The following GTPBP10 variants were observed in gnomAD, a reference collection of about 807,000 sequenced individuals.
GTPBP10 encodes GTP binding protein 10.
A neutral mutation model predicts 44.8 loss-of-function variants in GTPBP10; 38 were observed. The observed-to-expected ratio is 0.85, with a 90% CI of 0.65 to 1.11. GTPBP10 has a LOEUF of 1.11. Ranked by LOEUF, GTPBP10 falls within the 50% of genes most tolerant of loss-of-function variation. The pLI is 0.00. For synonymous variants in GTPBP10, 152 were observed against 150.6 expected, an observed-to-expected ratio of 1.01 and a Z score of -0.07; for missense variants, 462 against 453.7, an observed-to-expected ratio of 1.02 and a Z score of -0.17.
chr7:90,375,267 T>C (rs1221749926), intron 6 of GTPBP10, among the ~76,000 whole-genome samples: 1 of 152,044 alleles, frequency 6.6e-6, no homozygotes, highest in Non-Finnish European at 1.5e-5. Context: ...TACAGAGAAC[T>C]TTTAGGGTAC....
chr7:90,364,847 C>T (rs1436338721), intron 4 of GTPBP10, among the ~76,000 whole-genome samples: 3 of 152,170 alleles, frequency 2.0e-5, no homozygotes, highest in Non-Finnish European at 4.4e-5. Flanking sequence ...CCCCCGCCAG[C>T]CTCACTGCCG....
intron 5 of GTPBP10, 130 bp downstream of exon 5, chr7:90,372,358 C>G (rs773891161): frequency 1.6e-6 from 1 of 614,188 alleles, no homozygotes. Flanking sequence ...AGATAGACTA[C>G]TGTTGCACAG....
intron 2 of GTPBP10, 41 bp from the exon 3 acceptor site, chr7:90,354,417 C>T (rs1389126529): frequency 2.9e-5 from 27 of 931,572 alleles, no homozygotes; most frequent in Non-Finnish European, 3.7e-5. Context: ...TGTATATATA[C>T]ACACACACAT....
Position 90,387,320 on chromosome 7 carries a change from G to A in GTPBP10, c.*2166G>A, listed in dbSNP as rs1796541189. ...CATTGCACTCCAGCCTGGAGGACAA[G>A]AGGGAGACTTCCTCTCAAAAAACAA... is the stretch of plus-strand genomic sequence containing the variant. On this transcript the variant is annotated 3_prime_UTR_variant, in exon 10 of 10. Transcript: ENST00000222511. The A allele has an allele frequency of 8.1e-6, 1 of 123,570 alleles. No individual in the cohort carries two copies. The highest frequency in any genetic ancestry group is 1.7e-5 in the Non-Finnish European group (1 of 59,988). The allele number at this position is 123,570 out of a possible 1,614,324, so 7.7% of individuals were successfully genotyped here. A position where few individuals can be genotyped will look rare whatever the true frequency, so the allele number is the denominator to read the frequency against.
intron 8 of GTPBP10, among the ~76,000 whole-genome samples, chr7:90,378,642 G>A (rs533513613): frequency 6.6e-6 from 1 of 151,944 alleles, no homozygotes; most frequent in Admixed American, 6.5e-5. Flanking sequence ...ACTCACTCCC[G>A]TTGCTTTAGT....
chr7:90,383,063 G>A lies in GTPBP10; in HGVS notation c.885G>A (p.Gln295=). The change falls in exon 9 of 10, where the codon CAG becomes CAA. Residue 295 remains glutamine (Q), a synonymous_variant. Coordinates refer to ENST00000222511, the MANE Select transcript of GTPBP10 (RefSeq NM_033107.4). The part of the protein sequence containing the change: ...AQDKFHELMS[Q]LQNPKDFLHL... ...ATAAGTTCCATGAATTGATGAGCCA[G>A]CTCCAGAATCCTAAAGGTAAACCTA... The A allele has an allele frequency of 6.3e-7, 1 of 1,575,104 alleles. No homozygotes were observed. Among genetic ancestry groups the A allele is most frequent in the Non-Finnish European group, 8.6e-7 (1 of 1,156,766 alleles).
At chr7:90,352,241 A>G (rs565117226) in intron 1 of GTPBP10, among the ~76,000 whole-genome samples, 1 of 152,302 alleles carries the variant, frequency 6.6e-6, no homozygotes, top group South Asian at 2.1e-4. Flanking sequence ...CTCAATGAAT[A>G]TGTAAACCAT....
intron 4 of GTPBP10, among the ~76,000 whole-genome samples, chr7:90,371,665 TCAAAC>T (rs1796260211): frequency 6.6e-6 from 1 of 152,192 alleles, no homozygotes. Flanking sequence ...GGATTTCTAT[TCAAAC>T]CAAATTTTAA....
Position 90,378,123 on chromosome 7 carries a change from CTT to C in GTPBP10, c.700-4_700-3del, listed in dbSNP as rs760150131. On this transcript the variant is annotated splice_polypyrimidine_tract_variant and intron_variant, in intron 7 of 9. Transcript: ENST00000222511. ...TGTTAAAGGCTGTCTCTTTCCTTCT[CTT>C]TTTTTTAGGTTGATATTTCTGGATT... is the stretch of plus-strand genomic sequence containing the variant. The C allele has an allele frequency of 6.2e-7, 1 of 1,604,850 alleles. No individual in the cohort carries two copies. Among genetic ancestry groups the C allele is most frequent in the African/African-American group, 1.3e-5 (1 of 74,722 alleles).
intron 4 of GTPBP10, among the ~76,000 whole-genome samples, chr7:90,362,851 C>G (rs1319921590): frequency 2.0e-5 from 3 of 152,196 alleles, no homozygotes; most frequent in African/African-American, 7.2e-5. Context: ...GGATAGTTAG[C>G]TCTTCTTGTT....
In GTPBP10 at chr7:90,385,045, A is replaced by G. The variant is rs1796499329; in HGVS notation, c.1055A>G (p.Asp352Gly). The change falls in exon 10 of 10, where the codon GAT becomes GGT. Residue 352 changes from aspartate (D) to glycine (G), a missense_variant. Coordinates refer to ENST00000222511, the MANE Select transcript of GTPBP10 (RefSeq NM_033107.4). ...SLDEQANQEN[D>G]ALHKKQLLNL... ...GATGAACAGGCCAACCAGGAAAATG[A>G]TGCACTTCATAAGAAACAGTTGCTT... The G allele has an allele frequency of 2.5e-6, 4 of 1,613,846 alleles. No individual in the cohort carries two copies. The highest frequency in any genetic ancestry group is 1.7e-5 in the Admixed American group (1 of 60,008).
In GTPBP10 at chr7:90,354,459, A is replaced by AT. The variant is rs779592362; in HGVS notation, c.231dup (p.Ser78Ter). On this transcript the variant is annotated frameshift_variant and splice_region_variant, in exon 3 of 10. Coordinates refer to ENST00000222511, the MANE Select transcript of GTPBP10 (RefSeq NM_033107.4). LOFTEE classifies it high-confidence loss of function. ...ATATATATACTTTTTTTTTGGTAGA[A>AT]TTAGTGCACTGAAAGGCTCCAAAGG... The AT allele has an allele frequency of 1.3e-6, 2 of 1,536,280 alleles. No homozygotes were observed. Among genetic ancestry groups the AT allele is most frequent in the Non-Finnish European group, 1.8e-6 (2 of 1,128,394 alleles).
chr7:90,354,620 C>A, intron 3 of GTPBP10, 71 bp downstream of exon 3: 1 of 750,480 alleles, frequency 1.3e-6, no homozygotes, highest in Non-Finnish European at 2.2e-6. Context: ...GGAATAGCTT[C>A]TCTTGAGTTT....
At chr7:90,351,918 G>A (rs1168217812) in intron 1 of GTPBP10, among the ~76,000 whole-genome samples, 2 of 152,098 alleles carry the variant, frequency 1.3e-5, no homozygotes, top group African/African-American at 2.4e-5. Flanking sequence ...GGATGGTCTC[G>A]ATCTCCTGAA....
At chr7:90,361,772 G>C (rs780752799) in intron 4 of GTPBP10, among the ~76,000 whole-genome samples, 1 of 152,006 alleles carries the variant, frequency 6.6e-6, no homozygotes, top group African/African-American at 2.4e-5. Context: ...GACTTTTTTT[G>C]GTTGGTAGGC....
chr7:90,389,130 G>C lies in GTPBP10; in HGVS notation c.*3976G>C, dbSNP rs1423411961. On this transcript the variant is annotated 3_prime_UTR_variant, in exon 10 of 10. Coordinates refer to ENST00000222511, the MANE Select transcript of GTPBP10 (RefSeq NM_033107.4). ...AAATCCTTAATAGTATCTCAAATCT[G>C]GTTTAAATCTGTCTCTCCTTAACGG... 6.6e-6 allele frequency: 1 copy of C among 152,098 alleles called. No homozygotes were observed. The highest frequency in any genetic ancestry group is 1.5e-5 in the Non-Finnish European group (1 of 68,028). 9.4% of individuals were successfully genotyped at this position (152,098 alleles called of 1,614,324 possible). A position where few individuals can be genotyped will look rare whatever the true frequency, so the allele number is the denominator to read the frequency against.
In GTPBP10 at chr7:90,377,505, A is replaced by C; in HGVS notation, c.592-2A>C. On this transcript the variant is annotated splice_acceptor_variant, in intron 6 of 9. Coordinates refer to ENST00000222511, the MANE Select transcript of GTPBP10 (RefSeq NM_033107.4). LOFTEE classifies it high-confidence loss of function. ...TTCATTAACCATTTAACTTTGTATT[A>C]GATATCAGTAGCTGATCTTCCGGGT... is the stretch of plus-strand genomic sequence containing the variant. 6.3e-7 allele frequency: 1 copy of C among 1,587,408 alleles called. No homozygotes were observed. The highest frequency in any genetic ancestry group is 1.7e-4 in the Middle Eastern group (1 of 5,982).
Position 90,372,725 on chromosome 7 carries a change from G to A in GTPBP10, c.538+497G>A, listed in dbSNP as rs181565032. On this transcript the variant is annotated intron_variant, in intron 5 of 9. Coordinates refer to ENST00000222511, the MANE Select transcript of GTPBP10 (RefSeq NM_033107.4). ...TTTCTGTCACAGAATCGTTTATTTGGTTTAGTTAGGATTTTATGAACCACT... is the reference window on the plus strand; with the variant it reads ...TTTCTGTCACAGAATCGTTTATTTGATTTAGTTAGGATTTTATGAACCACT... 2.3e-4 allele frequency among the ~76,000 whole-genome samples: 35 copies of A among 152,048 alleles called. 1 individual carries two copies. The highest frequency in any genetic ancestry group is 2.1e-3 in the Admixed American group (32 of 15,260).
At chr7:90,362,573 T>C (rs1449043579) in intron 4 of GTPBP10, among the ~76,000 whole-genome samples, 2 of 152,218 alleles carry the variant, frequency 1.3e-5, no homozygotes, top group Admixed American at 6.5e-5. Context: ...AATTTTGGAT[T>C]AAGTGCGGTG....
Sources: gnomAD v4.1 joint callset for allele counts (sites outside exome capture counted in the v4.1 genomes callset) on GRCh38, gnomAD v4.1.1 for gene constraint, MANE v1.5 for transcripts, NCBI Gene and HGNC (gene_info 2026-07-23, HGNC 2026-07-21) for gene names.